The following HTR1F variants were observed in gnomAD, a reference collection of about 807,000 sequenced individuals.
HTR1F encodes 5-hydroxytryptamine receptor 1F, also known as 5-hydroxytryptamine (serotonin) receptor 1F, G protein-coupled.
In HTR1F, 17 loss-of-function variants were observed where a neutral mutation model predicts 24.0. The observed-to-expected ratio is 0.71, with a 90% CI of 0.48 to 1.06. The LOEUF is 1.06. HTR1F is among the 50% of genes least tolerant of loss of function. The pLI, the probability that HTR1F is intolerant of heterozygous loss-of-function variation, is 0.00. For missense variants in HTR1F, 391 were observed against 427.8 expected, an observed-to-expected ratio of 0.91 and a Z score of 0.76; for synonymous variants, 186 against 156.8, an observed-to-expected ratio of 1.19 and a Z score of -1.39.
intron 2 of HTR1F, among the ~76,000 whole-genome samples, chr3:87,962,895 T>C (rs751936388): frequency 3.3e-5 from 5 of 152,146 alleles, no homozygotes; most frequent in Non-Finnish European, 5.9e-5. Flanking sequence ...CTCTCTTTGG[T>C]TGTAGTTTAA....
intron 2 of HTR1F, among the ~76,000 whole-genome samples, chr3:87,961,899 T>G (rs1254631131): frequency 6.6e-5 from 10 of 151,986 alleles, no homozygotes; most frequent in African/African-American, 2.2e-4. Flanking sequence ...CAGGCTAAAT[T>G]TGAATTTCAG....
intron 2 of HTR1F, among the ~76,000 whole-genome samples, chr3:87,882,105 A>G (rs1160382888): frequency 6.6e-6 from 1 of 152,248 alleles, no homozygotes; most frequent in Non-Finnish European, 1.5e-5. Context: ...AGACACATGA[A>G]AAAATGGTCA....
chr3:87,938,864 A>G (rs1704491926), intron 2 of HTR1F, among the ~76,000 whole-genome samples: 1 of 152,172 alleles, frequency 6.6e-6, no homozygotes, highest in Non-Finnish European at 1.5e-5. Context: ...ATATTATCCT[A>G]GACATAGGAA....
intron 2 of HTR1F, among the ~76,000 whole-genome samples, chr3:87,933,302 G>T (rs948725308): frequency 1.3e-5 from 2 of 150,400 alleles, no homozygotes; most frequent in African/African-American, 2.4e-5. Flanking sequence ...ACAAGACAGG[G>T]ATGCCCTCTC....
chr3:87,897,342 C>T (rs1259528930), intron 2 of HTR1F, among the ~76,000 whole-genome samples: 1 of 150,900 alleles, frequency 6.6e-6, no homozygotes, highest in Non-Finnish European at 1.5e-5. Context: ...AAGCCAGACA[C>T]ACAAAAAAGG....
intron 1 of HTR1F, among the ~76,000 whole-genome samples, chr3:87,797,400 T>A (rs1463413593): frequency 1.3e-5 from 2 of 152,196 alleles, no homozygotes; most frequent in Non-Finnish European, 2.9e-5. Flanking sequence ...CAAAGTCTGC[T>A]AAGCTAGCAG....
intron 2 of HTR1F, among the ~76,000 whole-genome samples, chr3:87,857,899 T>TCCCC (rs1393300142): frequency 2.0e-5 from 3 of 152,194 alleles, no homozygotes; most frequent in African/African-American, 7.2e-5. Flanking sequence ...TTATTCTGCC[T>TCCCC]ACGGCAAGAT....
At chr3:87,827,607 TAA>T (rs201324078) in intron 2 of HTR1F, among the ~76,000 whole-genome samples, 2 of 152,204 alleles carry the variant, frequency 1.3e-5, no homozygotes, top group Admixed American at 1.3e-4. Flanking sequence ...AGCCTTTATT[TAA>T]AAAATCCTTT....
intron 2 of HTR1F, among the ~76,000 whole-genome samples, chr3:87,824,004 C>G (rs1203671100): frequency 6.6e-6 from 1 of 151,040 alleles, no homozygotes; most frequent in Non-Finnish European, 1.5e-5. Flanking sequence ...TTGCAGTGAG[C>G]CAAGATCGCA....
chr3:87,903,600 G>C (rs566168934), intron 2 of HTR1F, among the ~76,000 whole-genome samples: 4 of 151,072 alleles, frequency 2.6e-5, no homozygotes, highest in South Asian at 2.1e-4. Context: ...AGTTAGAATG[G>C]CAATCATTAA....
chr3:87,951,639 G>T (rs1228841782), intron 2 of HTR1F, among the ~76,000 whole-genome samples: 1 of 151,996 alleles, frequency 6.6e-6, no homozygotes, highest in Non-Finnish European at 1.5e-5. Flanking sequence ...TACAACTGAT[G>T]AACCTACATT....
chr3:87,845,997 A>T (rs1225059055), intron 2 of HTR1F, among the ~76,000 whole-genome samples: 1 of 151,930 alleles, frequency 6.6e-6, no homozygotes, highest in Non-Finnish European at 1.5e-5. Context: ...AAATTTTTTG[A>T]TGGCACACTC....
intron 2 of HTR1F, among the ~76,000 whole-genome samples, chr3:87,961,406 T>A: frequency 6.6e-6 from 1 of 152,098 alleles, no homozygotes; most frequent in East Asian, 1.9e-4. Flanking sequence ...ATGAAAATGT[T>A]AAATTAGAGA....
At chr3:87,931,967 G>T (rs984869126) in intron 2 of HTR1F, among the ~76,000 whole-genome samples, 10 of 152,036 alleles carry the variant, frequency 6.6e-5, no homozygotes, top group Non-Finnish European at 8.8e-5. Flanking sequence ...TGAGTGGGTT[G>T]CAAAAATTTT....
chr3:87,847,830 A>C (rs1222544014), intron 2 of HTR1F, among the ~76,000 whole-genome samples: 1 of 151,890 alleles, frequency 6.6e-6, no homozygotes, highest in Admixed American at 6.6e-5. Flanking sequence ...CCACTTACAC[A>C]TAATGACCTT....
chr3:87,849,665 A>C (rs2107201315), intron 2 of HTR1F, among the ~76,000 whole-genome samples: 1 of 152,058 alleles, frequency 6.6e-6, no homozygotes, highest in South Asian at 2.1e-4. Context: ...ATCAGAGTGA[A>C]CAGGCAACCT....
intron 1 of HTR1F, among the ~76,000 whole-genome samples, chr3:87,816,314 CTTTT>C (rs1052782481): frequency 1.3e-5 from 2 of 151,998 alleles, no homozygotes; most frequent in East Asian, 3.8e-4. Context: ...GCTCTTCTGA[CTTTT>C]TTTACATTTT....
intron 1 of HTR1F, among the ~76,000 whole-genome samples, chr3:87,811,558 G>A (rs1704161203): frequency 6.6e-6 from 1 of 152,114 alleles, no homozygotes; most frequent in South Asian, 2.1e-4. Flanking sequence ...ATGGAAAGAT[G>A]TTTTTAAAGA....
intron 2 of HTR1F, among the ~76,000 whole-genome samples, chr3:87,834,635 A>G (rs1017335829): frequency 2.0e-5 from 3 of 152,202 alleles, no homozygotes; most frequent in Non-Finnish European, 4.4e-5. Flanking sequence ...ATGAAAAACA[A>G]TAGCTTAGAC....
Sources: allele counts gnomAD v4.1 joint callset (sites outside exome capture counted in the v4.1 genomes callset), GRCh38; gene constraint gnomAD v4.1.1; transcripts MANE v1.5; gene names NCBI Gene and HGNC (gene_info 2026-07-23, HGNC 2026-07-21).